The following SERPINA9 variants were observed in gnomAD, a reference collection of about 807,000 sequenced individuals.
The protein encoded by SERPINA9 is serpin A9.
In SERPINA9, 32 loss-of-function variants were observed where a neutral mutation model predicts 24.5. The observed-to-expected ratio is 1.30, with a 90% CI of 0.98 to 1.75. The LOEUF (loss-of-function observed/expected upper bound fraction) is 1.75, where lower values mean the gene tolerates loss of function less well. Ranked by LOEUF, SERPINA9 falls within the 40% of genes most tolerant of loss-of-function variation. The pLI, the probability that SERPINA9 is intolerant of heterozygous loss-of-function variation, is 0.00. For synonymous variants in SERPINA9, 233 were observed against 197.7 expected, an observed-to-expected ratio of 1.18 and a Z score of -1.50; for missense variants, 594 against 497.1, an observed-to-expected ratio of 1.19 and a Z score of -1.85.
chr14:94,474,364 G>A (rs1899474779), intron 1 of SERPINA9, among the ~76,000 whole-genome samples: 1 of 152,192 alleles, frequency 6.6e-6, no homozygotes, highest in East Asian at 1.9e-4. Flanking sequence ...CCTGAAGTCG[G>A]GGAGTTGGCT....
At chr14:94,470,218 G>T in intron 1 of SERPINA9, 1 of 1,013,442 alleles carries the variant, frequency 9.9e-7, no homozygotes, top group Non-Finnish European at 1.2e-6. Context: ...TGTGAACCCA[G>T]ATTGCATTAG....
chr14:94,465,961 T>A (rs1185038894), intron 3 of SERPINA9, among the ~76,000 whole-genome samples: 1 of 152,188 alleles, frequency 6.6e-6, no homozygotes, highest in Non-Finnish European at 1.5e-5. Flanking sequence ...ACAAAAATAT[T>A]GGATGGACAC....
Position 94,462,727 on chromosome 14 carries a change from G to C in SERPINA9, c.*366C>G. 1 of 254,756 alleles carries C rather than the reference G, an allele frequency of 3.9e-6. No homozygotes were observed. The highest frequency in any genetic ancestry group is 7.6e-6 in the Non-Finnish European group (1 of 130,816). 15.8% of individuals were successfully genotyped at this position (254,756 alleles called of 1,614,324 possible). A position where few individuals can be genotyped will look rare whatever the true frequency, so the allele number is the denominator to read the frequency against. On this transcript the variant is annotated 3_prime_UTR_variant, in exon 5 of 5. Transcript: ENST00000674397. ...TTTTCAGATTAGGACTCTGTTGACA[G>C]ATGAATTCATATTTTAGTTTTATTG...
chr14:94,470,085 T>G, intron 1 of SERPINA9: 1 of 819,620 alleles, frequency 1.2e-6, no homozygotes, highest in Non-Finnish European at 1.6e-6. Context: ...CTGTGCAACT[T>G]ACCCCAAATA....
intron 1 of SERPINA9, among the ~76,000 whole-genome samples, chr14:94,475,727 T>G (rs1899590304): frequency 6.6e-6 from 1 of 152,124 alleles, no homozygotes; most frequent in Admixed American, 6.5e-5. Context: ...AAACACTCCC[T>G]CTCAAGCTGA....
Position 94,469,641 on chromosome 14 carries a change from T to G in SERPINA9, c.200A>C (p.Asn67Thr). ...RRLVLETPSQ[N>T]IFFSPVSVST... ...GACACTCACAGGGGAGAAGAAGATG[T>G]TCTGACTCGGGGTCTCCAAAACCAG... The change falls in exon 2 of 5, where the codon AAC becomes ACC. Residue 67 changes from asparagine (N) to threonine (T), a missense_variant. Coordinates refer to ENST00000674397, the MANE Select transcript of SERPINA9 (RefSeq NM_175739.4). The G allele has an allele frequency of 1.9e-6, 3 of 1,614,020 alleles. 1 individual carries two copies. The highest frequency in any genetic ancestry group is 2.5e-6 in the Non-Finnish European group (3 of 1,179,996).
rs570756548 is a variant in SERPINA9 at position 94,464,646 on chromosome 14, T to G, written c.1050+61A>C. The G allele has an allele frequency of 8.2e-6, 11 of 1,349,622 alleles. No individual in the cohort carries two copies. The African/African-American group carries it at 1.3e-4, about 16-fold the overall frequency. The allele number at this position is 1,349,622 out of a possible 1,614,324, so 83.6% of individuals were successfully genotyped here. On this transcript the variant is annotated intron_variant, in intron 4 of 4. Transcript: ENST00000674397. ...TCCTTATCAACGAAATAAGAGCATG[T>G]GATTAATTCTGCAGGTGCTTCCAGC...
chr14:94,475,855 A>T (rs545008088), intron 1 of SERPINA9: 3 of 501,698 alleles, frequency 6.0e-6, no homozygotes, highest in Non-Finnish European at 1.1e-5. Context: ...CAGCTGCCCT[A>T]TTTCAATACT....
intron 3 of SERPINA9, among the ~76,000 whole-genome samples, chr14:94,466,178 C>A (rs1159018196): frequency 1.3e-5 from 2 of 152,182 alleles, no homozygotes; most frequent in Non-Finnish European, 2.9e-5. Flanking sequence ...CGCTGACACA[C>A]CCTGCAGCAT....
At chr14:94,474,959 C>T (rs1407232554) in intron 1 of SERPINA9, among the ~76,000 whole-genome samples, 2 of 152,174 alleles carry the variant, frequency 1.3e-5, no homozygotes, top group Non-Finnish European at 2.9e-5. Flanking sequence ...AAGCCCCTGA[C>T]ATTCAAGAGC....
intron 1 of SERPINA9, among the ~76,000 whole-genome samples, chr14:94,471,929 G>C (rs1899342620): frequency 6.6e-6 from 1 of 151,772 alleles, no homozygotes; most frequent in African/African-American, 2.4e-5. Context: ...CTCTCCCCTG[G>C]ACAATCCTGA....
In SERPINA9 at chr14:94,463,281, C is replaced by A; in HGVS notation, c.1066G>T (p.Val356Leu). Residue 356 changes from valine (V) to leucine (L), a missense_variant, in exon 5 of 5, where the codon GTG (valine) becomes TTG (leucine). By Grantham distance (32) the Val-to-Leu change is conservative. Coordinates refer to ENST00000674397, the MANE Select transcript of SERPINA9 (RefSeq NM_175739.4). Reference sequence around the variant, plus strand: ...GTGCCCTCTTCACTGACATCCAGCACAGCCTTGTGGGTTGCCTGCCAAGGG... The same window carrying A: ...GTGCCCTCTTCACTGACATCCAGCAAAGCCTTGTGGGTTGCCTGCCAAGGG... ...LQVSKATHKA[V>L]LDVSEEGTEA... 6.2e-7 allele frequency: 1 copy of A among 1,614,090 alleles called. No individual in the cohort carries two copies. The highest frequency in any genetic ancestry group is 8.5e-7 in the Non-Finnish European group (1 of 1,180,024).
chr14:94,471,891 C>A (rs1287178858), intron 1 of SERPINA9, among the ~76,000 whole-genome samples: 2 of 152,156 alleles, frequency 1.3e-5, no homozygotes, highest in Non-Finnish European at 2.9e-5. Context: ...CATCTCTTTG[C>A]TTTTCCCTTG....
At chr14:94,472,566 G>A (rs1899372314) in intron 1 of SERPINA9, among the ~76,000 whole-genome samples, 1 of 152,194 alleles carries the variant, frequency 6.6e-6, no homozygotes, top group Non-Finnish European at 1.5e-5. Context: ...GGTTGAACAT[G>A]TACGCTTATT....
At chr14:94,469,996 T>C (rs1462770802) in intron 1 of SERPINA9, 139 bp from the exon 2 acceptor site, 3 of 716,086 alleles carry the variant, frequency 4.2e-6, no homozygotes, top group Non-Finnish European at 6.4e-6. Flanking sequence ...ACATAATCTC[T>C]GAGCCTCACA....
Position 94,469,825 on chromosome 14 carries a change from A to G in SERPINA9, c.16T>C (p.Tyr6His). MASYL[Y>H]GVLFAVGLCA... ...AGGCCAACAGCAAAGAGTACTCCAT[A>G]AAGGTAAGATGCCATTTTGGAACAA... Residue 6 changes from tyrosine to histidine, a missense_variant, in exon 2 of 5, where the codon TAT (tyrosine) becomes CAT (histidine). Physicochemically the swap from Tyr to His is moderately conservative, Grantham distance 83 (BLOSUM62 2). Coordinates refer to ENST00000674397, the MANE Select transcript of SERPINA9 (RefSeq NM_175739.4). The G allele has an allele frequency of 1.3e-6, 2 of 1,514,034 alleles. No individual in the cohort carries two copies. The highest frequency in any genetic ancestry group is 8.8e-7 in the Non-Finnish European group (1 of 1,132,010). 93.8% of individuals were successfully genotyped at this position (1,514,034 alleles called of 1,614,324 possible).
chr14:94,463,417 C>G, intron 4 of SERPINA9, 121 bp from the exon 5 acceptor site: 1 of 822,844 alleles, frequency 1.2e-6, no homozygotes, highest in South Asian at 1.7e-5. Flanking sequence ...ATTCAAGGTT[C>G]AAATGCCTGG....
chr14:94,463,065 T>C lies in SERPINA9; in HGVS notation c.*28A>G, dbSNP rs1898814760. The C allele has an allele frequency of 6.5e-7, 1 of 1,539,158 alleles. No individual in the cohort carries two copies. The highest frequency in any genetic ancestry group is 9.0e-7 in the Non-Finnish European group (1 of 1,111,476). On this transcript the variant is annotated 3_prime_UTR_variant, in exon 5 of 5. Coordinates refer to ENST00000674397, the MANE Select transcript of SERPINA9 (RefSeq NM_175739.4). ...TGTTATTTCTTGTGCATTAGCAATG[T>C]GCCATCAGTTAACAGGCCATTTCCC...
chr14:94,475,139 T>C (rs1460723258), intron 1 of SERPINA9, among the ~76,000 whole-genome samples: 5 of 152,284 alleles, frequency 3.3e-5, no homozygotes, highest in Non-Finnish European at 7.4e-5. Flanking sequence ...TGTGTCTTCA[T>C]GTCCCAGCCC....
Sources: allele counts gnomAD v4.1 joint callset (sites outside exome capture counted in the v4.1 genomes callset), GRCh38; gene constraint gnomAD v4.1.1; transcripts MANE v1.5; gene names NCBI Gene and HGNC (gene_info 2026-07-23, HGNC 2026-07-21).